MVB12B: variants seen among roughly 807,000 people sequenced by gnomAD.
MVB12B encodes ESCRT-I complex subunit MVB12B.
A neutral mutation model predicts 41.6 loss-of-function variants in MVB12B; 16 were observed. The observed-to-expected ratio is 0.38, with a 90% CI of 0.26 to 0.58. MVB12B has a LOEUF of 0.58. Ranked by LOEUF, MVB12B falls within the 20% of genes least tolerant of loss-of-function variation. MVB12B has a pLI of 0.62. For missense variants in MVB12B, 274 were observed against 380.2 expected (o/e 0.72, Z 2.32); for synonymous variants, 133 against 139.7 (o/e 0.95, Z 0.34).
rs751921126 is a variant in MVB12B at position 126,381,056 on chromosome 9, C to T, written c.205-8C>T. ...CCTGCAATCCTTTTCTCTGTCTCTC[C>T]GGTGTAGGTTGCACAGACAGCAGAT... On this transcript the variant is annotated splice_region_variant and splice_polypyrimidine_tract_variant and intron_variant, in intron 2 of 9. Coordinates refer to ENST00000361171, the MANE Select transcript of MVB12B (RefSeq NM_033446.3). The T allele has an allele frequency of 3.1e-5, 50 of 1,611,914 alleles. No homozygotes were observed. The highest frequency in any genetic ancestry group is 4.0e-5 in the African/African-American group (3 of 74,964).
At chr9:126,477,378 A>G (rs1487956049) in intron 7 of MVB12B, among the ~76,000 whole-genome samples, 1 of 152,264 alleles carries the variant, frequency 6.6e-6, no homozygotes. Context: ...ATATGTACAA[A>G]AAATGCTATT....
At position 126,469,597 on chromosome 9, in the gene MVB12B, G is replaced by A. The variant is rs1022084198; in HGVS notation, c.758-11772G>A. 8.5e-5 allele frequency among the ~76,000 whole-genome samples: 13 copies of A among 152,348 alleles called. No homozygotes were observed. The South Asian group carries it at 1.9e-3, about 22-fold the overall frequency. ...AGGCCCTTGCTGTCAGTTACCCCCCGTGGCTGCAGATCACACTGCCTGTTT... is the reference window on the plus strand; with the variant it reads ...AGGCCCTTGCTGTCAGTTACCCCCCATGGCTGCAGATCACACTGCCTGTTT... On this transcript the variant is annotated intron_variant, in intron 7 of 9. Transcript: ENST00000361171.
chr9:126,405,963 T>G (rs1262984186), intron 6 of MVB12B, among the ~76,000 whole-genome samples: 1 of 151,322 alleles, frequency 6.6e-6, no homozygotes, highest in East Asian at 1.9e-4. Flanking sequence ...CACACAGAGA[T>G]AGATATATAT....
intron 7 of MVB12B, among the ~76,000 whole-genome samples, chr9:126,448,591 A>G (rs10739673): frequency 1.3e-5 from 2 of 152,362 alleles, no homozygotes; most frequent in East Asian, 3.9e-4. Context: ...GAAGCTCCAG[A>G]ATCTGCTCCT....
In MVB12B at chr9:126,376,414, TG is replaced by T; in HGVS notation, c.205-4648del. On this transcript the variant is annotated intron_variant, in intron 2 of 9. Transcript: ENST00000361171. This position sits in a 1 kb window ranked among gnomAD's most constrained non-coding sequence, Gnocchi z 4.1. ...CATGTCTGAGCCTGTCCCCAGTGCC[TG>T]GTGACCCTTTGTTGTGGGTTGGGAT... The T allele has an allele frequency of 2.1e-6, 2 of 949,776 alleles. No homozygotes were observed. The highest frequency in any genetic ancestry group is 2.9e-6 in the Non-Finnish European group (2 of 680,414). The allele number at this position is 949,776 out of a possible 1,614,324, so 58.8% of individuals were successfully genotyped here. A position where few individuals can be genotyped will look rare whatever the true frequency, so the allele number is the denominator to read the frequency against.
Position 126,502,046 on chromosome 9 carries a change from C to T in MVB12B, c.874-1131C>T, listed in dbSNP as rs567115419. On this transcript the variant is annotated intron_variant, in intron 9 of 9. Transcript: ENST00000361171. ...GGTCAGCTCACCCATAGGGCAGCTC[C>T]ACTTCCACCTGCTGTCTGCAGGGGA... is the stretch of plus-strand genomic sequence containing the variant. Among the ~76,000 whole-genome samples, 26 of 152,328 alleles carry T rather than the reference C, an allele frequency of 1.7e-4. 1 individual carries two copies. The East Asian group carries it at 4.6e-3, about 27-fold the overall frequency.
chr9:126,483,797 C>G (rs1293103798), intron 8 of MVB12B, among the ~76,000 whole-genome samples, 176 bp from the exon 9 acceptor site: 1 of 152,188 alleles, frequency 6.6e-6, no homozygotes, highest in Non-Finnish European at 1.5e-5. Context: ...ATCATCACTT[C>G]TCCTGCCACC....
intron 6 of MVB12B, among the ~76,000 whole-genome samples, chr9:126,417,856 G>T (rs1267343840): frequency 6.6e-6 from 1 of 152,178 alleles, no homozygotes; most frequent in African/African-American, 2.4e-5. Flanking sequence ...AGAGGGCATG[G>T]TTGGGTGGGA....
intron 7 of MVB12B, among the ~76,000 whole-genome samples, chr9:126,462,993 A>C (rs1203361934): frequency 1.3e-5 from 2 of 152,242 alleles, no homozygotes; most frequent in African/African-American, 4.8e-5. Flanking sequence ...AGCTCAGCAC[A>C]TCCCTGCTAT....
intron 1 of MVB12B, among the ~76,000 whole-genome samples, chr9:126,338,427 G>A (rs967094259): frequency 2.0e-5 from 3 of 152,216 alleles, no homozygotes; most frequent in Non-Finnish European, 1.5e-5. Flanking sequence ...TCATCGTACC[G>A]GGGAGGATAC....
rs1833456026 is a variant in MVB12B, at chr9:126,478,263, GC to G, written c.758-3105del. On this transcript the variant is annotated intron_variant, in intron 7 of 9. Transcript: ENST00000361171. The surrounding 1 kb of genome is among the most constrained non-coding windows in gnomAD (Gnocchi z 4.2). Reference sequence around the variant, plus strand: ...TGGCTTTCATCTCCAGCAGCAGCAGGCGGGGGTAGCAGTGAGCAGGGTCCCC... The same window carrying G: ...TGGCTTTCATCTCCAGCAGCAGCAGGGGGGGTAGCAGTGAGCAGGGTCCCC... Among the ~76,000 whole-genome samples, 1 of 152,182 alleles carries G rather than the reference GC, an allele frequency of 6.6e-6. No individual in the cohort carries two copies. The highest frequency in any genetic ancestry group is 1.5e-5 in the Non-Finnish European group (1 of 68,028).
At chr9:126,409,135 C>T (rs1166419738) in intron 6 of MVB12B, among the ~76,000 whole-genome samples, 1 of 151,992 alleles carries the variant, frequency 6.6e-6, no homozygotes, top group African/African-American at 2.4e-5. Flanking sequence ...CTCAGTAATG[C>T]ATTTTGAACC....
At chr9:126,494,095 GT>G (rs375776657) in intron 9 of MVB12B, among the ~76,000 whole-genome samples, 200 of 149,068 alleles carry the variant, frequency 1.3e-3, no homozygotes, top group Admixed American at 6.9e-3. Flanking sequence ...TATAGACATT[GT>G]TTTTTTTTTC....
At chr9:126,491,990 G>A (rs563967667) in intron 9 of MVB12B, among the ~76,000 whole-genome samples, 6 of 151,892 alleles carry the variant, frequency 4.0e-5, no homozygotes, top group South Asian at 2.1e-4. Context: ...CTCCCCTGCC[G>A]ATCAAAATTG....
In MVB12B at chr9:126,326,988, C is replaced by A; in HGVS notation, c.59C>A (p.Pro20Gln). The change falls in exon 1 of 10, where the codon CCG (proline) becomes CAG (glutamine). Residue 20 changes from proline to glutamine, a missense_variant. Coordinates refer to ENST00000361171, the MANE Select transcript of MVB12B (RefSeq NM_033446.3). ...GACCCGCCGCCGCCGCAGCCACCGC[C>A]GCCGCCGCCCCAGCGGGGAACAGTT... ...SRDPPPPQPPPPPPQRGTDQS... is the reference protein window; with the variant it reads ...SRDPPPPQPPQPPPQRGTDQS... 4.0e-6 allele frequency: 1 copy of A among 249,394 alleles called. No individual in the cohort carries two copies. Among genetic ancestry groups the A allele is most frequent in the South Asian group, 3.6e-5 (1 of 27,654 alleles). 15.4% of individuals were successfully genotyped at this position (249,394 alleles called of 1,614,324 possible). A position where few individuals can be genotyped will look rare whatever the true frequency, so the allele number is the denominator to read the frequency against.
Position 126,376,502 on chromosome 9 carries a change from G to C in MVB12B, c.205-4562G>C, listed in dbSNP as rs1830484103. 7.8e-7 allele frequency: 1 copy of C among 1,288,990 alleles called. No individual in the cohort carries two copies. The highest frequency in any genetic ancestry group is 1.0e-6 in the Non-Finnish European group (1 of 988,790). The allele number at this position is 1,288,990 out of a possible 1,614,324, so 79.8% of individuals were successfully genotyped here. A position where few individuals can be genotyped will look rare whatever the true frequency, so the allele number is the denominator to read the frequency against. On this transcript the variant is annotated intron_variant, in intron 2 of 9. Transcript: ENST00000361171. This position sits in a 1 kb window ranked among gnomAD's most constrained non-coding sequence, Gnocchi z 4.1. ...GTGGGTGGGGGGCCTGCTGGCTGGT[G>C]TGCTACACAGTGGGGCGACGAGCAG...
At position 126,481,301 on chromosome 9, in the gene MVB12B, C is replaced by T. The variant is rs2119205607; in HGVS notation, c.758-68C>T. 3.1e-6 allele frequency: 4 copies of T among 1,285,530 alleles called. No individual in the cohort carries two copies. The Admixed American group carries it at 5.1e-5, about 16-fold the overall frequency. 79.6% of individuals were successfully genotyped at this position (1,285,530 alleles called of 1,614,324 possible). ...TTCATATTCTCTGTTTCGACATCTT[C>T]AGTTGCTGGACAACTAAATGCCATC... On this transcript the variant is annotated intron_variant, in intron 7 of 9. Transcript: ENST00000361171.
At chr9:126,489,491 T>A (rs1321664812) in intron 9 of MVB12B, among the ~76,000 whole-genome samples, 1 of 152,200 alleles carries the variant, frequency 6.6e-6, no homozygotes, top group Non-Finnish European at 1.5e-5. Context: ...CCAAGGACGG[T>A]CATGTTTTAA....
rs1001504612 is a variant in MVB12B, at chr9:126,436,293, G to A, written c.757+14345G>A. Among the ~76,000 whole-genome samples the A allele has an allele frequency of 1.3e-5, 2 of 152,188 alleles. No individual in the cohort carries two copies. The highest frequency in any genetic ancestry group is 4.1e-4 in the South Asian group (2 of 4,836). On this transcript the variant is annotated intron_variant, in intron 7 of 9. Transcript: ENST00000361171. This position sits in a 1 kb window ranked among gnomAD's most constrained non-coding sequence, Gnocchi z 4.1. ...CGCCCTTTGAAACGGGAGCTGAAGA[G>A]TAAATTCTGTGCAGCCGCCTTTTAG...
Sources: allele counts gnomAD v4.1 joint callset (sites outside exome capture counted in the v4.1 genomes callset), GRCh38; gene constraint gnomAD v4.1.1; non-coding constraint Gnocchi (gnomAD v3.1); transcripts MANE v1.5; gene names NCBI Gene and HGNC (gene_info 2026-07-23, HGNC 2026-07-21).